The following RTN4RL1 variants were observed in gnomAD, a reference collection of about 807,000 sequenced individuals.
RTN4RL1 encodes the protein reticulon 4 receptor like 1, also known as reticulon-4 receptor-like 1.
A neutral mutation model predicts 25.6 loss-of-function variants in RTN4RL1; 7 were observed. The ratio of observed to expected loss-of-function variants is 0.27; its 90% CI spans 0.16 to 0.51. The LOEUF is 0.51. Ranked by LOEUF, RTN4RL1 falls within the 20% of genes least tolerant of loss-of-function variation. The pLI is 0.97. For synonymous variants in RTN4RL1, 297 were observed against 288.2 expected (o/e 1.03, Z -0.31); for missense variants, 500 against 615.6 (o/e 0.81, Z 1.99).
chr17:2,010,891 G>A (rs1258116457), intron 1 of RTN4RL1, among the ~76,000 whole-genome samples: 1 of 152,120 alleles, frequency 6.6e-6, no homozygotes, highest in Non-Finnish European at 1.5e-5. Flanking sequence ...TCGGTGCCTT[G>A]GATTTTATTC....
At chr17:1,989,631 T>C (rs1162525480) in intron 1 of RTN4RL1, among the ~76,000 whole-genome samples, 2 of 152,146 alleles carry the variant, frequency 1.3e-5, no homozygotes, top group East Asian at 1.9e-4. Context: ...TGGAGTGTAA[T>C]GGCATGATCT....
Position 1,963,725 on chromosome 17 carries a change from TTTTTTC to T in RTN4RL1, c.14-25923_14-25918del, listed in dbSNP as rs559529832. 1.7e-3 allele frequency among the ~76,000 whole-genome samples: 258 copies of T among 151,850 alleles called. 1 individual carries two copies. Among genetic ancestry groups the T allele is most frequent in the Non-Finnish European group, 2.7e-3 (186 of 67,940 alleles). Reference sequence around the variant, plus strand: ...TCCGGGTGCAATCTGCCCTTCGGAGTTTTTTCTTTTTCTTTTTCTTTTTTTGAGACA... The same window carrying T: ...TCCGGGTGCAATCTGCCCTTCGGAGTTTTTTCTTTTTCTTTTTTTGAGACA... On this transcript the variant is annotated intron_variant, in intron 1 of 1. Transcript: ENST00000331238.
chr17:1,978,446 C>CCGA (rs1296420717), intron 1 of RTN4RL1, among the ~76,000 whole-genome samples: 5 of 152,262 alleles, frequency 3.3e-5, no homozygotes, highest in African/African-American at 1.2e-4. Context: ...AGAGGCTTGG[C>CCGA]CGACCGTCCG....
chr17:2,005,963 AT>A (rs1567523468), intron 1 of RTN4RL1, among the ~76,000 whole-genome samples: 1 of 150,114 alleles, frequency 6.7e-6, no homozygotes, highest in Non-Finnish European at 1.5e-5. Context: ...CGCCCGCCTT[AT>A]TTTTTGTATT....
chr17:1,981,805 G>A (rs546220495), intron 1 of RTN4RL1, among the ~76,000 whole-genome samples: 131 of 152,370 alleles, frequency 8.6e-4, no homozygotes, highest in African/African-American at 3.0e-3. Context: ...ATCACTTAAT[G>A]ACAGGGTGTG....
At position 1,939,391 on chromosome 17, in the gene RTN4RL1, T is replaced by A. The variant is rs553032297; in HGVS notation, c.14-1583A>T. Among the ~76,000 whole-genome samples the A allele has an allele frequency of 1.5e-3, 232 of 150,508 alleles. 2 individuals carry two copies. Among genetic ancestry groups the A allele is most frequent in the Middle Eastern group, 6.8e-3 (2 of 294 alleles). On this transcript the variant is annotated intron_variant, in intron 1 of 1. Transcript: ENST00000331238. ...ATAAATAAATAAATAAATAAATAAA[T>A]AAAATACAGACAATAGCAGTTCTCC...
chr17:1,971,560 T>TG (rs2066818799), intron 1 of RTN4RL1, among the ~76,000 whole-genome samples: 1 of 152,146 alleles, frequency 6.6e-6, no homozygotes, highest in African/African-American at 2.4e-5. Flanking sequence ...CTGGGCATGG[T>TG]GGCTCACACC....
intron 1 of RTN4RL1, among the ~76,000 whole-genome samples, chr17:2,012,621 G>A (rs1163092091): frequency 4.6e-5 from 7 of 150,552 alleles, no homozygotes; most frequent in African/African-American, 4.9e-5. Flanking sequence ...CCTAGATCAC[G>A]ATTTAATTTC....
intron 1 of RTN4RL1, among the ~76,000 whole-genome samples, chr17:1,948,255 C>A (rs1208749700): frequency 6.6e-6 from 1 of 152,228 alleles, no homozygotes; most frequent in Non-Finnish European, 1.5e-5. Flanking sequence ...CAGTGCTCTG[C>A]AGGAAGCCCA....
chr17:1,985,837 G>A (rs1386169405), intron 1 of RTN4RL1, among the ~76,000 whole-genome samples: 1 of 152,068 alleles, frequency 6.6e-6, no homozygotes. Flanking sequence ...TGGAATCTCT[G>A]CAATTTGCAT....
intron 1 of RTN4RL1, among the ~76,000 whole-genome samples, chr17:1,980,876 G>A (rs1240287165): frequency 7.1e-6 from 1 of 141,454 alleles, no homozygotes; most frequent in Non-Finnish European, 1.5e-5. Context: ...GCGGTGTGCG[G>A]AGATCACACC....
At chr17:1,997,018 G>A (rs551072217) in intron 1 of RTN4RL1, among the ~76,000 whole-genome samples, 4 of 152,104 alleles carry the variant, frequency 2.6e-5, no homozygotes, top group African/African-American at 7.2e-5. Flanking sequence ...ACCATCCCCC[G>A]CAACCAACCT....
intron 1 of RTN4RL1, among the ~76,000 whole-genome samples, chr17:2,010,350 G>A (rs1207610742): frequency 1.1e-4 from 16 of 152,052 alleles, no homozygotes; most frequent in Non-Finnish European, 7.4e-5. Flanking sequence ...GATGGCAGGC[G>A]TCTGTAATCC....
At chr17:1,960,850 T>TCCGCCCCAGGC (rs1393224233) in intron 1 of RTN4RL1, among the ~76,000 whole-genome samples, 22 of 152,136 alleles carry the variant, frequency 1.4e-4, no homozygotes, top group African/African-American at 5.3e-4. Context: ...CGGGGCCCTC[T>TCCGCCCCAGGC]CTGCCCCAGG....
chr17:1,947,221 C>G (rs1026108577), intron 1 of RTN4RL1, among the ~76,000 whole-genome samples: 2 of 152,196 alleles, frequency 1.3e-5, no homozygotes, highest in African/African-American at 2.4e-5. Flanking sequence ...TGCGCACGCA[C>G]GCTTGTGTGC....
intron 1 of RTN4RL1, among the ~76,000 whole-genome samples, chr17:2,000,180 C>T (rs2066950767): frequency 6.6e-6 from 1 of 152,244 alleles, no homozygotes; most frequent in Admixed American, 6.5e-5. Flanking sequence ...CCCCAGGTGT[C>T]CCTACCCAGC....
At chr17:1,984,942 G>C (rs1043821675) in intron 1 of RTN4RL1, among the ~76,000 whole-genome samples, 3 of 151,910 alleles carry the variant, frequency 2.0e-5, no homozygotes, top group Admixed American at 2.0e-4. Context: ...ATTCCAGCCT[G>C]GGCAACAAGA....
At chr17:1,981,994 G>A (rs539791555) in intron 1 of RTN4RL1, among the ~76,000 whole-genome samples, 1 of 152,360 alleles carries the variant, frequency 6.6e-6, no homozygotes, top group East Asian at 1.9e-4. Flanking sequence ...TGTAACACAA[G>A]AGTGAGTATT....
chr17:1,945,794 G>A (rs1045106443), intron 1 of RTN4RL1, among the ~76,000 whole-genome samples: 2 of 152,308 alleles, frequency 1.3e-5, no homozygotes, highest in Middle Eastern at 3.4e-3. Context: ...TGTGTTCTCC[G>A]CAGTACCCTC....
Sources: gnomAD v4.1 joint callset for allele counts (sites outside exome capture counted in the v4.1 genomes callset) on GRCh38, gnomAD v4.1.1 for gene constraint, MANE v1.5 for transcripts, NCBI Gene and HGNC (gene_info 2026-07-23, HGNC 2026-07-21) for gene names.